The following DNAJA4 variants were observed in gnomAD, a reference collection of about 807,000 sequenced individuals.
DNAJA4 encodes the protein dnaJ homolog subfamily A member 4.
DNAJA4 carries 32 observed loss-of-function variants against 39.7 expected under a neutral mutation model. The observed-to-expected ratio is 0.81, with a 90% CI of 0.61 to 1.08. The LOEUF is 1.08. Ranked by LOEUF, DNAJA4 falls within the 50% of genes least tolerant of loss-of-function variation. The probability of loss-of-function intolerance (pLI) is 0.00; values close to 1 mark genes in which losing one functional copy is unlikely to be tolerated. For synonymous variants in DNAJA4, 184 were observed against 182.4 expected, an observed-to-expected ratio of 1.01 and a Z score of -0.07; for missense variants, 439 against 505.1, an observed-to-expected ratio of 0.87 and a Z score of 1.25.
Position 78,268,219 on chromosome 15 carries a change from A to G in DNAJA4, c.133-2278A>G, listed in dbSNP as rs73465137. ...ATTTACCTAGTCCTGACCTGCAGAT[A>G]GACGCAGAAACTGTCTAGGGGCAGC... On this transcript the variant is annotated intron_variant, in intron 1 of 6. Coordinates refer to ENST00000394852, the MANE Select transcript of DNAJA4 (RefSeq NM_001130182.2). 5.5e-3 allele frequency among the ~76,000 whole-genome samples: 834 copies of G among 152,342 alleles called. 10 individuals are homozygous for G. The highest frequency in any genetic ancestry group is 0.019 in the African/African-American group (799 of 41,582).
In DNAJA4 at chr15:78,264,611, GGGCGGGAGCTACAAGCGGC is replaced by G. The variant is rs2049064008; in HGVS notation, c.-147_-129del. 1 of 1,120,406 alleles carries G rather than the reference GGGCGGGAGCTACAAGCGGC, an allele frequency of 8.9e-7. No homozygotes were observed. Among genetic ancestry groups the G allele is most frequent in the Non-Finnish European group, 1.1e-6 (1 of 918,872 alleles). The allele number at this position is 1,120,406 out of a possible 1,614,324, so 69.4% of individuals were successfully genotyped here. On this transcript the variant is annotated 5_prime_UTR_variant, in exon 1 of 7. Coordinates refer to ENST00000394852, the MANE Select transcript of DNAJA4 (RefSeq NM_001130182.2). ...GTCGGTCCGGCGCGGGGCGGGGGGC[GGGCGGGAGCTACAAGCGGC>G]GGCGGCGGCGGCGACCGTGACCGTG... is the stretch of plus-strand genomic sequence containing the variant.
At chr15:78,274,169 C>G in intron 3 of DNAJA4, 28 bp from the exon 4 acceptor site, 1 of 1,602,320 alleles carries the variant, frequency 6.2e-7, no homozygotes, top group Non-Finnish European at 8.5e-7. Context: ...GAGCATGGCC[C>G]TCATTCCTGC....
chr15:78,277,367 A>G (rs893568021), intron 5 of DNAJA4, among the ~76,000 whole-genome samples: 30 of 152,022 alleles, frequency 2.0e-4, no homozygotes, highest in African/African-American at 7.0e-4. Flanking sequence ...TGTTGCCCAG[A>G]CTTGTGTGTG....
rs147118885 is a variant in DNAJA4, at chr15:78,267,671, A to G, written c.132+2776A>G. Among the ~76,000 whole-genome samples, 223 of 152,306 alleles carry G rather than the reference A, an allele frequency of 1.5e-3. 1 individual carries two copies. In the East Asian group the frequency reaches 0.015, roughly 10 times the overall value. On this transcript the variant is annotated intron_variant, in intron 1 of 6. Transcript: ENST00000394852. ...TTCAAAAATCAGAACATAGCAAACC[A>G]TGCAGAAAATTTTAGAACACAGAGG...
chr15:78,273,274 A>G (rs56229935), intron 3 of DNAJA4, 75 bp downstream of exon 3: 224,090 of 928,556 alleles, frequency 0.24, 28,102 homozygotes, highest in Non-Finnish European at 0.26. Flanking sequence ...TTTATAGTTC[A>G]GGGAAAATAA....
At chr15:78,264,993 T>A (rs2049081311) in intron 1 of DNAJA4, 98 bp downstream of exon 1, 6 of 1,337,432 alleles carry the variant, frequency 4.5e-6, no homozygotes, top group Non-Finnish European at 5.0e-6. Context: ...CCGCGTTTGT[T>A]GGGGAGGCTG....
chr15:78,267,170 G>GTA (rs2049154263), intron 1 of DNAJA4, among the ~76,000 whole-genome samples: 2 of 139,824 alleles, frequency 1.4e-5, no homozygotes, highest in African/African-American at 3.0e-5. Context: ...ATGTGAGTGT[G>GTA]TGAGTGTGTG....
At chr15:78,266,116 G>A in intron 1 of DNAJA4, 1 of 898,456 alleles carries the variant, frequency 1.1e-6, no homozygotes, top group South Asian at 1.7e-5. Flanking sequence ...AAAGGCACTG[G>A]CGTTTTACAT....
In DNAJA4 at chr15:78,280,111, C is replaced by T; in HGVS notation, c.944C>T (p.Pro315Leu). 3 of 1,614,048 alleles carry T rather than the reference C, an allele frequency of 1.9e-6. No individual in the cohort carries two copies. Among genetic ancestry groups the T allele is most frequent in the East Asian group, 2.2e-5 (1 of 44,884 alleles). ...RDEGMPIYKA[P>L]LEKGILIIQF... is the part of the protein sequence containing the mutation. ...GAAGGAATGCCCATCTACAAAGCAC[C>T]CCTGGAAAAAGGGATTCTGATCATA... The change falls in exon 6 of 7, where the codon CCC becomes CTC. Residue 315 changes from proline (P) to leucine (L), a missense_variant. Transcript: ENST00000394852.
chr15:78,271,444 C>G (rs536118769), intron 2 of DNAJA4, among the ~76,000 whole-genome samples: 1 of 152,208 alleles, frequency 6.6e-6, no homozygotes, highest in African/African-American at 2.4e-5. Flanking sequence ...TAGGTGGGTA[C>G]TCTTGCCATG....
At chr15:78,268,349 G>A (rs1183430145) in intron 1 of DNAJA4, among the ~76,000 whole-genome samples, 2 of 152,114 alleles carry the variant, frequency 1.3e-5, no homozygotes, top group East Asian at 1.9e-4. Context: ...TTACTTCTTC[G>A]CAGAAATGGT....
chr15:78,277,513 A>G (rs908365697), intron 5 of DNAJA4, among the ~76,000 whole-genome samples: 1 of 152,146 alleles, frequency 6.6e-6, no homozygotes, highest in East Asian at 1.9e-4. Flanking sequence ...TCCCTCAAGG[A>G]GGAGTTTGAG....
chr15:78,266,402 C>T, intron 1 of DNAJA4: 1 of 945,584 alleles, frequency 1.1e-6, no homozygotes, highest in Non-Finnish European at 1.6e-6. Context: ...GTAGGTTTCA[C>T]CCTGTCTATA....
intron 1 of DNAJA4, chr15:78,269,985 G>C (rs2049248647): frequency 2.6e-5 from 4 of 152,566 alleles, no homozygotes; most frequent in Admixed American, 2.6e-4. Flanking sequence ...CTATGGGTGG[G>C]GCGGGGCTTT....
At chr15:78,267,168 G>GAGTGTGTA (rs1555438044) in intron 1 of DNAJA4, among the ~76,000 whole-genome samples, 4 of 102,316 alleles carry the variant, frequency 3.9e-5, no homozygotes, top group African/African-American at 6.4e-5. Flanking sequence ...GTATGTGAGT[G>GAGTGTGTA]TGTGAGTGTG....
chr15:78,272,259 C>T (rs2049321243), intron 2 of DNAJA4, among the ~76,000 whole-genome samples: 1 of 152,168 alleles, frequency 6.6e-6, no homozygotes, highest in Admixed American at 6.5e-5. Context: ...ATGGCGTGAA[C>T]CCAGGAGGCG....
chr15:78,279,776 A>T lies in DNAJA4; in HGVS notation c.878-269A>T. ...ATGACTTCTAGTTCACTTGTTTTAA[A>T]CCTACCTGTGATGGCAGCTGCACCA... On this transcript the variant is annotated intron_variant, in intron 5 of 6. Coordinates refer to ENST00000394852, the MANE Select transcript of DNAJA4 (RefSeq NM_001130182.2). The surrounding 1 kb of genome is among the most constrained non-coding windows in gnomAD (Gnocchi z 4.5). 1.9e-6 allele frequency: 1 copy of T among 521,218 alleles called. No homozygotes were observed. Among genetic ancestry groups the T allele is most frequent in the East Asian group, 3.3e-5 (1 of 30,684 alleles). 32.3% of individuals were successfully genotyped at this position (521,218 alleles called of 1,614,324 possible).
At chr15:78,276,533 GGA>G (rs756409179) in intron 5 of DNAJA4, among the ~76,000 whole-genome samples, 4 of 152,246 alleles carry the variant, frequency 2.6e-5, no homozygotes, top group Admixed American at 1.3e-4. Context: ...GGCTGAGAAG[GGA>G]GAGAGGCCAG....
At chr15:78,271,162 C>G (rs1367840038) in intron 2 of DNAJA4, among the ~76,000 whole-genome samples, 2 of 152,190 alleles carry the variant, frequency 1.3e-5, no homozygotes, top group Non-Finnish European at 2.9e-5. Flanking sequence ...CCTGGAAACT[C>G]TTGGTAAATT....
Sources: gnomAD v4.1 joint callset for allele counts (sites outside exome capture counted in the v4.1 genomes callset) on GRCh38, gnomAD v4.1.1 for gene constraint, Gnocchi (gnomAD v3.1) non-coding constraint, MANE v1.5 for transcripts, NCBI Gene and HGNC (gene_info 2026-07-23, HGNC 2026-07-21) for gene names.